ENTREP2: variants seen among roughly 807,000 people sequenced by gnomAD.
The protein encoded by ENTREP2 is protein ENTREP2.
chr15:29,211,658 C>A, the ENTREP2 span, among the ~76,000 whole-genome samples: 1 of 152,094 alleles, frequency 6.6e-6, no homozygotes, highest in Non-Finnish European at 1.5e-5. Context: ...TCCTTTGTAT[C>A]CCGATTTTGC....
At chr15:29,360,682 T>A in the ENTREP2 span, among the ~76,000 whole-genome samples, 3 of 152,118 alleles carry the variant, frequency 2.0e-5, no homozygotes, top group African/African-American at 4.8e-5. Flanking sequence ...AGTACCTGCT[T>A]ATACCACGTG....
At chr15:29,149,890 G>C in the ENTREP2 span, among the ~76,000 whole-genome samples, 3 of 152,226 alleles carry the variant, frequency 2.0e-5, no homozygotes, top group Non-Finnish European at 2.9e-5. Flanking sequence ...GGATATTTCT[G>C]CTTCCAAGCC....
chr15:29,162,040 G>A, the ENTREP2 span, among the ~76,000 whole-genome samples: 3 of 152,298 alleles, frequency 2.0e-5, no homozygotes, highest in African/African-American at 7.2e-5. Context: ...AAACACACAC[G>A]CCCACTGGAG....
the ENTREP2 span, among the ~76,000 whole-genome samples, chr15:29,331,760 A>G: frequency 6.6e-6 from 1 of 152,232 alleles, no homozygotes; most frequent in Non-Finnish European, 1.5e-5. Context: ...CTACTTAAGT[A>G]AAGAAAATAA....
At chr15:29,165,032 T>C in the ENTREP2 span, among the ~76,000 whole-genome samples, 1 of 152,110 alleles carries the variant, frequency 6.6e-6, no homozygotes, top group African/African-American at 2.4e-5. Flanking sequence ...TTCAAAACCA[T>C]GCTGATACAT....
chr15:29,302,076 C>G, the ENTREP2 span, among the ~76,000 whole-genome samples: 3 of 152,154 alleles, frequency 2.0e-5, no homozygotes, highest in African/African-American at 7.2e-5. Flanking sequence ...TAAACCCATG[C>G]CCATTTCCCT....
At chr15:29,251,715 T>C in the ENTREP2 span, among the ~76,000 whole-genome samples, 1 of 151,112 alleles carries the variant, frequency 6.6e-6, no homozygotes, top group African/African-American at 2.4e-5. Context: ...TCGTAAACTT[T>C]CTTAAAACAT....
chr15:29,245,983 C>G, the ENTREP2 span, among the ~76,000 whole-genome samples: 8 of 152,076 alleles, frequency 5.3e-5, no homozygotes, highest in Non-Finnish European at 1.0e-4. Context: ...TGATTTTTTT[C>G]TCTAGATCTG....
chr15:29,360,994 T>G, the ENTREP2 span, among the ~76,000 whole-genome samples: 1 of 152,188 alleles, frequency 6.6e-6, no homozygotes. Flanking sequence ...GGCTGTCCCT[T>G]TCTCCCAAAA....
the ENTREP2 span, among the ~76,000 whole-genome samples, chr15:29,428,257 A>G: frequency 6.6e-6 from 1 of 152,176 alleles, no homozygotes; most frequent in Non-Finnish European, 1.5e-5. Flanking sequence ...TCTATCGCCC[A>G]GGCTGCAGTG....
At chr15:29,163,264 C>A in the ENTREP2 span, among the ~76,000 whole-genome samples, 1 of 152,044 alleles carries the variant, frequency 6.6e-6, no homozygotes, top group Non-Finnish European at 1.5e-5. Flanking sequence ...TTGAACAGCA[C>A]CCCCCAAAAT....
At chr15:29,609,601 GT>G in the ENTREP2 span, 1 of 149,496 alleles carries the variant, frequency 6.7e-6, no homozygotes, top group Admixed American at 6.8e-5. Context: ...CCAGTCATCT[GT>G]TTATTATAGA....
the ENTREP2 span, among the ~76,000 whole-genome samples, chr15:29,136,862 G>T: frequency 1.3e-5 from 2 of 152,222 alleles, no homozygotes; most frequent in Non-Finnish European, 2.9e-5. Context: ...GGCTTCTTTC[G>T]GGTTGCGTTG....
chr15:29,377,054 C>T, the ENTREP2 span: 1 of 152,130 alleles, frequency 6.6e-6, no homozygotes, highest in African/African-American at 2.4e-5. Flanking sequence ...GAGGGCAGGC[C>T]AGTGTGCCCC....
chr15:29,643,975 A>C, the ENTREP2 span, among the ~76,000 whole-genome samples: 1 of 152,262 alleles, frequency 6.6e-6, no homozygotes, highest in Admixed American at 6.5e-5. Context: ...GCCTGCATAA[A>C]AGCTTGTACG....
the ENTREP2 span, among the ~76,000 whole-genome samples, chr15:29,566,654 G>A: frequency 2.0e-5 from 3 of 151,788 alleles, no homozygotes; most frequent in East Asian, 1.9e-4. Flanking sequence ...ACAGGGTTTC[G>A]CCATGTGGGC....
the ENTREP2 span, among the ~76,000 whole-genome samples, chr15:29,149,833 C>G: frequency 6.6e-6 from 1 of 152,146 alleles, no homozygotes; most frequent in East Asian, 1.9e-4. Flanking sequence ...GCCTTGGGCT[C>G]CCGCGGTACC....
chr15:29,364,246 T>C, the ENTREP2 span, among the ~76,000 whole-genome samples: 1 of 152,236 alleles, frequency 6.6e-6, no homozygotes, highest in East Asian at 1.9e-4. Context: ...AGAGGTTTTT[T>C]TGGTTATATT....
the ENTREP2 span, among the ~76,000 whole-genome samples, chr15:29,560,391 C>T: frequency 1.3e-5 from 2 of 152,166 alleles, no homozygotes; most frequent in Non-Finnish European, 2.9e-5. Context: ...AATGCAGAGA[C>T]CTGTGTGAGT....
Sources: gnomAD v4.1 joint callset for allele counts (sites outside exome capture counted in the v4.1 genomes callset) on GRCh38, gnomAD v4.1.1 for gene constraint, MANE v1.5 for transcripts, NCBI Gene and HGNC (gene_info 2026-07-23, HGNC 2026-07-21) for gene names.